Variants in BMP6 observed in about 807,000 individuals in gnomAD.
BMP6 encodes the protein VG-1-R.
In BMP6, 17 loss-of-function variants were observed where a neutral mutation model predicts 54.1. That is an observed-to-expected ratio of 0.31 (90% confidence interval 0.22 to 0.47). The LOEUF is 0.47. BMP6 is among the 20% of genes least tolerant of loss of function. BMP6 has a pLI of 1.00. For synonymous variants in BMP6, 328 were observed against 291.2 expected, an observed-to-expected ratio of 1.13 and a Z score of -1.28; for missense variants, 720 against 690.4, an observed-to-expected ratio of 1.04 and a Z score of -0.48.
chr6:7,742,242 C>T (rs1030380737), intron 1 of BMP6, among the ~76,000 whole-genome samples: 11 of 152,152 alleles, frequency 7.2e-5, no homozygotes, highest in African/African-American at 2.7e-4. Flanking sequence ...ATATTATTTT[C>T]CTTCTATCTG....
At chr6:7,747,244 G>T (rs2113124655) in intron 1 of BMP6, among the ~76,000 whole-genome samples, 1 of 152,314 alleles carries the variant, frequency 6.6e-6, no homozygotes, top group Admixed American at 6.5e-5. Flanking sequence ...CTGTGAATAT[G>T]CCACCTTATA....
chr6:7,733,095 G>A (rs888006451), intron 1 of BMP6, among the ~76,000 whole-genome samples: 1 of 151,762 alleles, frequency 6.6e-6, no homozygotes, highest in Non-Finnish European at 1.5e-5. Flanking sequence ...TAGTGGAGCT[G>A]GGGTTTCACC....
chr6:7,823,323 CA>C (rs1203690231), intron 1 of BMP6, among the ~76,000 whole-genome samples: 4 of 152,132 alleles, frequency 2.6e-5, no homozygotes, highest in African/African-American at 9.7e-5. Flanking sequence ...TAGCATTGGA[CA>C]GCTCTTTGAG....
At chr6:7,879,347 C>A (rs150090182) in intron 5 of BMP6, among the ~76,000 whole-genome samples, 197 bp downstream of exon 5, 2 of 152,154 alleles carry the variant, frequency 1.3e-5, no homozygotes, top group African/African-American at 4.8e-5. Context: ...GGGCACCAGG[C>A]GCTCCAACAC....
intron 1 of BMP6, among the ~76,000 whole-genome samples, chr6:7,798,721 T>C (rs544077124): frequency 6.6e-6 from 1 of 152,284 alleles, no homozygotes; most frequent in East Asian, 1.9e-4. Context: ...CCTCCACCTG[T>C]TGAGAAAAAC....
At chr6:7,849,665 A>G (rs1257583869) in intron 2 of BMP6, among the ~76,000 whole-genome samples, 2 of 152,178 alleles carry the variant, frequency 1.3e-5, no homozygotes, top group Non-Finnish European at 2.9e-5. Flanking sequence ...TACTGTTGTA[A>G]TTGAATTTTG....
intron 1 of BMP6, among the ~76,000 whole-genome samples, chr6:7,830,153 T>C (rs558353318): frequency 7.2e-5 from 11 of 152,064 alleles, no homozygotes; most frequent in South Asian, 4.2e-4. Context: ...GCACCCCCCC[T>C]CTCTCTCATG....
At chr6:7,817,325 AATG>A (rs1758543091) in intron 1 of BMP6, among the ~76,000 whole-genome samples, 1 of 152,164 alleles carries the variant, frequency 6.6e-6, no homozygotes, top group Non-Finnish European at 1.5e-5. Context: ...ATTATTAAAA[AATG>A]ATGTGATTAT....
chr6:7,781,095 C>T (rs1757936175), intron 1 of BMP6, among the ~76,000 whole-genome samples: 1 of 152,162 alleles, frequency 6.6e-6, no homozygotes, highest in Non-Finnish European at 1.5e-5. Context: ...TTTATTTGCC[C>T]TAACACTATC....
chr6:7,799,710 A>G (rs1758241248), intron 1 of BMP6, among the ~76,000 whole-genome samples: 1 of 149,784 alleles, frequency 6.7e-6, no homozygotes, highest in Admixed American at 6.7e-5. Context: ...GCCAAAATCT[A>G]TTCTCCTTGA....
intron 4 of BMP6, among the ~76,000 whole-genome samples, chr6:7,875,342 T>A (rs1273062250): frequency 6.6e-6 from 1 of 152,216 alleles, no homozygotes; most frequent in Non-Finnish European, 1.5e-5. Context: ...CTCAAATACT[T>A]ATTTCTTCCA....
At chr6:7,759,788 C>G (rs1757583896) in intron 1 of BMP6, among the ~76,000 whole-genome samples, 1 of 142,840 alleles carries the variant, frequency 7.0e-6, no homozygotes, top group South Asian at 2.2e-4. Context: ...ACTGCGGCCT[C>G]TGCCTCCCAG....
chr6:7,781,058 A>G (rs1220338206), intron 1 of BMP6, among the ~76,000 whole-genome samples: 2 of 152,186 alleles, frequency 1.3e-5, no homozygotes, highest in Non-Finnish European at 2.9e-5. Context: ...CCTAGTCCAC[A>G]CAGTACAGTG....
At chr6:7,819,058 G>A (rs1758569607) in intron 1 of BMP6, among the ~76,000 whole-genome samples, 1 of 152,140 alleles carries the variant, frequency 6.6e-6, no homozygotes, top group African/African-American at 2.4e-5. Flanking sequence ...GCAGAAAGGG[G>A]GAAAAAGACA....
chr6:7,790,596 T>G (rs1758083722), intron 1 of BMP6, among the ~76,000 whole-genome samples: 1 of 151,662 alleles, frequency 6.6e-6, no homozygotes, highest in African/African-American at 2.4e-5. Flanking sequence ...ATATTAAGTT[T>G]GTTTTCAAGT....
chr6:7,772,948 G>A (rs527461213), intron 1 of BMP6, among the ~76,000 whole-genome samples: 2 of 152,208 alleles, frequency 1.3e-5, no homozygotes, highest in East Asian at 3.9e-4. Flanking sequence ...GCTTTAATTT[G>A]TCTTAATTGA....
intron 4 of BMP6, among the ~76,000 whole-genome samples, chr6:7,869,075 C>A (rs900860478): frequency 2.0e-5 from 3 of 152,256 alleles, no homozygotes; most frequent in African/African-American, 4.8e-5. Context: ...AGGCGCACCC[C>A]CCCTGGGAGC....
intron 1 of BMP6, among the ~76,000 whole-genome samples, chr6:7,733,923 A>G (rs1218201313): frequency 6.6e-6 from 1 of 152,092 alleles, no homozygotes; most frequent in African/African-American, 2.4e-5. Context: ...TAACCTCTGA[A>G]GTTTCGAGAG....
Position 7,845,248 on chromosome 6 carries a change from T to C in BMP6, c.773T>C (p.Ile258Thr). The part of the protein sequence containing the change: ...GEVVTAAEFR[I>T]YKDCVMGSFK... ...GTGGTGACGGCTGCAGAATTCCGCA[T>C]CTACAAGGACTGTGTTATGGGGAGT... Residue 258 changes from isoleucine (I) to threonine (T), a missense_variant, in exon 2 of 7, where the codon ATC (isoleucine) becomes ACC (threonine). This residue lies in a region of BMP6 where 650 missense variants were observed against 556.3 expected (regional missense o/e 1.17). Coordinates refer to ENST00000283147, the MANE Select transcript of BMP6 (RefSeq NM_001718.6). 2 of 1,614,178 alleles carry C rather than the reference T, an allele frequency of 1.2e-6. No individual in the cohort carries two copies. Among genetic ancestry groups the C allele is most frequent in the Non-Finnish European group, 1.7e-6 (2 of 1,179,994 alleles).
Sources: allele counts gnomAD v4.1 joint callset (sites outside exome capture counted in the v4.1 genomes callset), GRCh38; gene constraint gnomAD v4.1.1; regional missense constraint gnomAD v4.1.1; transcripts MANE v1.5; gene names NCBI Gene and HGNC (gene_info 2026-07-23, HGNC 2026-07-21).